The following RSPH9 variants were observed in gnomAD, a reference collection of about 807,000 sequenced individuals.
RSPH9 encodes the protein radial spoke head protein 9 homolog.
RSPH9 carries 27 observed loss-of-function variants against 27.0 expected under a neutral mutation model. The observed-to-expected ratio is 1.00, with a 90% CI of 0.74 to 1.38. The LOEUF (loss-of-function observed/expected upper bound fraction) is 1.38. Among genes scored for constraint, RSPH9 ranks in the 40% most tolerant of loss-of-function variants. The pLI is 0.00. For synonymous variants in RSPH9, 145 were observed against 147.7 expected (o/e 0.98, Z 0.13); for missense variants, 347 against 357.4 (o/e 0.97, Z 0.24).
intron 4 of RSPH9, among the ~76,000 whole-genome samples, chr6:43,670,498 G>A (rs1434388419): frequency 1.3e-5 from 2 of 152,180 alleles, no homozygotes; most frequent in Non-Finnish European, 2.9e-5. Flanking sequence ...AGCTACTCTG[G>A]AGGCTAAGGT....
At chr6:43,667,775 A>G (rs1335885761) in intron 4 of RSPH9, among the ~76,000 whole-genome samples, 3 of 149,990 alleles carry the variant, frequency 2.0e-5, no homozygotes, top group Admixed American at 6.6e-5. Context: ...CTGGGAACCC[A>G]TGGCCATTTT....
intron 4 of RSPH9, among the ~76,000 whole-genome samples, chr6:43,667,300 T>C (rs1773240178): frequency 6.6e-6 from 1 of 152,228 alleles, no homozygotes; most frequent in Non-Finnish European, 1.5e-5. Context: ...ACTGCTCCTC[T>C]CCTTGCTCCA....
Position 43,645,210 on chromosome 6 carries a change from G to C in RSPH9, c.112G>C (p.Asp38His). The C allele has an allele frequency of 6.2e-7, 1 of 1,614,030 alleles. No homozygotes were observed. Among genetic ancestry groups the C allele is most frequent in the Non-Finnish European group, 8.5e-7 (1 of 1,180,018 alleles). Residue 38 changes from aspartate (D) to histidine (H), a missense_variant, in exon 1 of 5, where the codon GAC (aspartate) becomes CAC (histidine). Coordinates refer to ENST00000372163, the MANE Select transcript of RSPH9 (RefSeq NM_152732.5). The part of the protein sequence containing the change: ...LLTSLMLVKR[D>H]YRYDRVLFWG... ...CACGTCTCTTATGCTGGTTAAGCGC[G>C]ACTACCGCTATGATCGGGTTCTCTT...
In RSPH9 at chr6:43,671,133, G is replaced by A; in HGVS notation, c.*184G>A. 1 of 681,602 alleles carries A rather than the reference G, an allele frequency of 1.5e-6. No homozygotes were observed. The allele number at this position is 681,602 out of a possible 1,614,324, so 42.2% of individuals were successfully genotyped here. On this transcript the variant is annotated 3_prime_UTR_variant, in exon 5 of 5. Transcript: ENST00000372163. ...CCAAGTGGCAGAGGGGTTGGAATGT[G>A]CTAATGAAAGAGATTCTAGACAACG...
chr6:43,650,263 G>T, intron 1 of RSPH9, 112 bp from the exon 2 acceptor site: 1 of 1,261,322 alleles, frequency 7.9e-7, no homozygotes. Context: ...AGGAAAGGTG[G>T]CCATTTCAAC....
chr6:43,662,357 G>T (rs546841213), intron 4 of RSPH9, among the ~76,000 whole-genome samples: 2 of 151,616 alleles, frequency 1.3e-5, no homozygotes, highest in African/African-American at 4.8e-5. Flanking sequence ...CAGCAAGAAG[G>T]CTGTTTCACT....
intron 1 of RSPH9, among the ~76,000 whole-genome samples, chr6:43,648,935 G>C (rs528938729): frequency 6.6e-6 from 1 of 152,262 alleles, no homozygotes; most frequent in East Asian, 1.9e-4. Flanking sequence ...TGCATTTCTT[G>C]GCCGTTAGGT....
At chr6:43,667,830 G>T (rs186642000) in intron 4 of RSPH9, among the ~76,000 whole-genome samples, 1 of 152,236 alleles carries the variant, frequency 6.6e-6, no homozygotes, top group Admixed American at 6.5e-5. Flanking sequence ...ATCTGAGAGG[G>T]TTTGAGCCAT....
At chr6:43,670,734 G>C (rs1466602195) in intron 4 of RSPH9, 55 bp from the exon 5 acceptor site, 2 of 1,537,332 alleles carry the variant, frequency 1.3e-6, no homozygotes, top group East Asian at 2.2e-5. Flanking sequence ...AGCATGAAGG[G>C]CAGAGCTGTG....
chr6:43,659,034 C>T (rs1388473656), intron 4 of RSPH9, among the ~76,000 whole-genome samples: 1 of 152,190 alleles, frequency 6.6e-6, no homozygotes, highest in Non-Finnish European at 1.5e-5. Flanking sequence ...ACAATGTTCA[C>T]AGCATCTTCA....
In RSPH9 at chr6:43,671,435, T is replaced by C; in HGVS notation, c.*486T>C. On this transcript the variant is annotated 3_prime_UTR_variant, in exon 5 of 5. Coordinates refer to ENST00000372163, the MANE Select transcript of RSPH9 (RefSeq NM_152732.5). Reference sequence around the variant, plus strand: ...AGGACCCCCTGCACTTCCCAAGCAGTGAGCGCACACCCAATGGGTAAGCCC... The same window carrying C: ...AGGACCCCCTGCACTTCCCAAGCAGCGAGCGCACACCCAATGGGTAAGCCC... 1 of 431,418 alleles carries C rather than the reference T, an allele frequency of 2.3e-6. No homozygotes were observed. The highest frequency in any genetic ancestry group is 4.2e-6 in the Non-Finnish European group (1 of 236,706). 26.7% of individuals were successfully genotyped at this position (431,418 alleles called of 1,614,324 possible). A position where few individuals can be genotyped will look rare whatever the true frequency, so the allele number is the denominator to read the frequency against.
At chr6:43,657,248 C>T (rs73733599) in intron 4 of RSPH9, among the ~76,000 whole-genome samples, 5,169 of 152,286 alleles carry the variant, frequency 0.034, 304 homozygotes, top group African/African-American at 0.12. Context: ...CTCAGCGCCC[C>T]ACTTCTTTCT....
At chr6:43,666,378 T>G in intron 4 of RSPH9, 4 of 1,416,910 alleles carry the variant, frequency 2.8e-6, no homozygotes, top group Non-Finnish European at 3.9e-6. Context: ...AGGGATGGGA[T>G]TTGGCAGCTG....
chr6:43,646,954 C>CA (rs781345040), intron 1 of RSPH9, among the ~76,000 whole-genome samples: 102 of 69,904 alleles, frequency 1.5e-3, no homozygotes, highest in Middle Eastern at 9.6e-3. Context: ...GACTCCGTCT[C>CA]AAAAAAAAAA....
In RSPH9 at chr6:43,671,095, G is replaced by A. The variant is rs1582404041; in HGVS notation, c.*146G>A. 3.0e-6 allele frequency: 3 copies of A among 991,554 alleles called. No individual in the cohort carries two copies. Among genetic ancestry groups the A allele is most frequent in the East Asian group, 2.6e-5 (1 of 38,228 alleles). 61.4% of individuals were successfully genotyped at this position (991,554 alleles called of 1,614,324 possible). ...TCTGAAAGGCCCACTGAGCCAGGGA[G>A]CTCATTTCTAAACCAAGTGGCAGAG... On this transcript the variant is annotated 3_prime_UTR_variant, in exon 5 of 5. Transcript: ENST00000372163.
At chr6:43,650,581 C>A in intron 2 of RSPH9, 41 bp downstream of exon 2, 1 of 1,608,984 alleles carries the variant, frequency 6.2e-7, no homozygotes, top group South Asian at 1.1e-5. Flanking sequence ...TAAAAGAGAG[C>A]CTGGGCTCAT....
At chr6:43,654,284 A>C (rs1426332585) in intron 2 of RSPH9, among the ~76,000 whole-genome samples, 1 of 152,210 alleles carries the variant, frequency 6.6e-6, no homozygotes, top group East Asian at 1.9e-4. Context: ...ATTGTAACTA[A>C]ATTTCATCTG....
In RSPH9 at chr6:43,645,168, C is replaced by A. The variant is rs746345623; in HGVS notation, c.70C>A (p.Arg24Ser). 6.2e-7 allele frequency: 1 copy of A among 1,613,702 alleles called. No individual in the cohort carries two copies. Among genetic ancestry groups the A allele is most frequent in the Non-Finnish European group, 8.5e-7 (1 of 1,180,008 alleles). Residue 24 changes from arginine (R) to serine (S), a missense_variant, in exon 1 of 5, where the codon CGT becomes AGT. Arg to Ser is a moderately radical substitution (Grantham distance 110). Transcript: ENST00000372163. ...CAGTGGGCAGGGCCTCAGCCCGGAC[C>A]GTCGGGCCTCGCTGCTCACGTCTCT... The part of the protein sequence containing the change: ...SGSGQGLSPD[R>S]RASLLTSLML...
chr6:43,666,580 A>G (rs1773154249), intron 4 of RSPH9: 1 of 1,128,414 alleles, frequency 8.9e-7, no homozygotes, highest in Non-Finnish European at 1.3e-6. Flanking sequence ...ACCTTGGCTG[A>G]AGAGAGGAGT....
Sources: gnomAD v4.1 joint callset for allele counts (sites outside exome capture counted in the v4.1 genomes callset) on GRCh38, gnomAD v4.1.1 for gene constraint, MANE v1.5 for transcripts, NCBI Gene and HGNC (gene_info 2026-07-23, HGNC 2026-07-21) for gene names.